The following SIPA1L1 variants were observed in gnomAD, a reference collection of about 807,000 sequenced individuals.
SIPA1L1 encodes the protein signal-induced proliferation-associated 1-like protein 1.
A neutral mutation model predicts 162.7 loss-of-function variants in SIPA1L1; 26 were observed. That is an observed-to-expected ratio of 0.16 (90% CI 0.12 to 0.22). The LOEUF (loss-of-function observed/expected upper bound fraction) is 0.22. SIPA1L1 is among the 10% of genes least tolerant of loss of function. SIPA1L1 has a pLI of 1.00. For missense variants in SIPA1L1, 1,874 were observed against 2,241.0 expected (o/e 0.84, Z 3.31); for synonymous variants, 829 against 837.4 (o/e 0.99, Z 0.17).
intron 2 of SIPA1L1, among the ~76,000 whole-genome samples, chr14:71,422,361 A>T (rs1481075097): frequency 6.6e-6 from 1 of 152,138 alleles, no homozygotes; most frequent in African/African-American, 2.4e-5. Context: ...TTCACCGTAC[A>T]GTTCGTTGGT....
intron 3 of SIPA1L1, among the ~76,000 whole-genome samples, chr14:71,522,096 C>G (rs2052414583): frequency 1.3e-5 from 2 of 152,282 alleles, no homozygotes; most frequent in Admixed American, 1.3e-4. Context: ...GGAATTATCT[C>G]TAGCTATATA....
intron 7 of SIPA1L1, among the ~76,000 whole-genome samples, chr14:71,643,107 A>G (rs1184887464): frequency 6.6e-6 from 1 of 152,202 alleles, no homozygotes; most frequent in Non-Finnish European, 1.5e-5. Context: ...GATTTTCCAC[A>G]TATGATGCAA....
chr14:71,463,461 C>A (rs1360395386), intron 2 of SIPA1L1, among the ~76,000 whole-genome samples: 1 of 152,160 alleles, frequency 6.6e-6, no homozygotes, highest in Non-Finnish European at 1.5e-5. Context: ...CGTTTTGGGT[C>A]CCCTGGAATC....
At chr14:71,665,938 A>G (rs1218002040) in intron 10 of SIPA1L1, among the ~76,000 whole-genome samples, 2 of 152,300 alleles carry the variant, frequency 1.3e-5, no homozygotes, top group Non-Finnish European at 2.9e-5. Flanking sequence ...ACTGTACTAT[A>G]CCACGGCTAA....
intron 2 of SIPA1L1, among the ~76,000 whole-genome samples, chr14:71,440,965 T>G (rs936346364): frequency 2.0e-5 from 3 of 152,192 alleles, no homozygotes; most frequent in Non-Finnish European, 2.9e-5. Flanking sequence ...TGCATAAAAC[T>G]GAAATTGTTT....
chr14:71,508,137 C>T (rs1179924380), intron 2 of SIPA1L1, among the ~76,000 whole-genome samples: 2 of 152,158 alleles, frequency 1.3e-5, no homozygotes, highest in Non-Finnish European at 1.5e-5. Flanking sequence ...TCAAAGCTAT[C>T]AGATCTACCA....
intron 2 of SIPA1L1, among the ~76,000 whole-genome samples, chr14:71,465,487 A>G (rs1211620249): frequency 6.6e-6 from 1 of 152,020 alleles, no homozygotes; most frequent in Non-Finnish European, 1.5e-5. Context: ...TAGTCACCAA[A>G]CTCCTTGCTG....
chr14:71,730,395 C>T (rs1307314317), intron 20 of SIPA1L1, 94 bp downstream of exon 20: 2 of 1,416,196 alleles, frequency 1.4e-6, no homozygotes, highest in African/African-American at 2.8e-5. Context: ...GAGAGGGGTC[C>T]TGTATCCATG....
At chr14:71,531,128 G>T (rs553902709) in intron 4 of SIPA1L1, among the ~76,000 whole-genome samples, 2 of 152,232 alleles carry the variant, frequency 1.3e-5, no homozygotes, top group Non-Finnish European at 2.9e-5. Context: ...TCCTGTGCAG[G>T]TGTGGAATGT....
intron 2 of SIPA1L1, among the ~76,000 whole-genome samples, chr14:71,475,395 G>A (rs2047765521): frequency 6.6e-6 from 1 of 152,122 alleles, no homozygotes; most frequent in South Asian, 2.1e-4. Flanking sequence ...GAACAATGTT[G>A]TTGGAAAGTT....
chr14:71,587,987 T>C lies in SIPA1L1; in HGVS notation c.115T>C (p.Phe39Leu), dbSNP rs1362216423. The part of the protein sequence containing the change: ...VHTDDFYMRR[F>L]RSQNGSLGSS... The stretch of plus-strand genomic sequence containing the variant: ...CACTGATGATTTCTACATGCGGCGC[T>C]TCCGGTCCCAAAATGGCAGCTTAGG... The change falls in exon 5 of 24, where the codon TTC becomes CTC. Residue 39 changes from phenylalanine (F) to leucine (L), a missense_variant. Phe to Leu is a conservative substitution (Grantham distance 22). Around this residue, in one of 5 missense-constraint regions of SIPA1L1, gnomAD observed 685 missense variants for 828.0 expected, o/e 0.83. Coordinates refer to ENST00000381232, the MANE Select transcript of SIPA1L1 (RefSeq NM_001386936.1). 6.2e-6 allele frequency: 10 copies of C among 1,613,980 alleles called. No homozygotes were observed. Among genetic ancestry groups the C allele is most frequent in the Non-Finnish European group, 8.5e-6 (10 of 1,179,988 alleles).
chr14:71,627,474 T>C (rs1567344305), intron 7 of SIPA1L1, among the ~76,000 whole-genome samples: 1 of 152,044 alleles, frequency 6.6e-6, no homozygotes, highest in Non-Finnish European at 1.5e-5. Context: ...CCCATGTCAG[T>C]TGTTAAAATG....
chr14:71,612,646 A>C (rs1351363158), intron 5 of SIPA1L1, among the ~76,000 whole-genome samples: 1 of 152,132 alleles, frequency 6.6e-6, no homozygotes, highest in Non-Finnish European at 1.5e-5. Flanking sequence ...AGTGACAAAA[A>C]ATTGATAGTT....
chr14:71,432,584 T>G (rs1424120829), intron 2 of SIPA1L1, among the ~76,000 whole-genome samples: 1 of 152,228 alleles, frequency 6.6e-6, no homozygotes, highest in Non-Finnish European at 1.5e-5. Context: ...AAGGGATTTC[T>G]GGTTTCTATG....
intron 2 of SIPA1L1, among the ~76,000 whole-genome samples, chr14:71,396,567 G>A (rs1468863947): frequency 2.6e-5 from 4 of 152,158 alleles, no homozygotes; most frequent in African/African-American, 9.7e-5. Context: ...GTCCTGCAAA[G>A]CAGTTTGGTC....
At chr14:71,444,753 T>C (rs2045213936) in intron 2 of SIPA1L1, among the ~76,000 whole-genome samples, 1 of 152,178 alleles carries the variant, frequency 6.6e-6, no homozygotes, top group Non-Finnish European at 1.5e-5. Context: ...GAGAACATAG[T>C]TGGACCCTTT....
chr14:71,356,137 C>G (rs975829428), intron 2 of SIPA1L1, among the ~76,000 whole-genome samples: 1 of 152,160 alleles, frequency 6.6e-6, no homozygotes, highest in African/African-American at 2.4e-5. Context: ...TACATAACAC[C>G]GTTCTGAAGG....
At chr14:71,577,697 A>T (rs1425186659) in intron 4 of SIPA1L1, among the ~76,000 whole-genome samples, 1 of 149,004 alleles carries the variant, frequency 6.7e-6, no homozygotes, top group Admixed American at 6.7e-5. Context: ...TGTTATACAC[A>T]ATTTGCTTAA....
intron 6 of SIPA1L1, among the ~76,000 whole-genome samples, chr14:71,619,151 C>T (rs1235929959): frequency 6.6e-6 from 1 of 151,854 alleles, no homozygotes; most frequent in Admixed American, 6.6e-5. Context: ...TAAGTGTGGC[C>T]CAAGGAAATT....
Sources: gnomAD v4.1 joint callset for allele counts (sites outside exome capture counted in the v4.1 genomes callset) on GRCh38, gnomAD v4.1.1 for gene constraint, gnomAD v4.1.1 regional missense constraint, MANE v1.5 for transcripts, NCBI Gene and HGNC (gene_info 2026-07-23, HGNC 2026-07-21) for gene names.